The following PRKAG2 variants were observed in gnomAD, a reference collection of about 807,000 sequenced individuals.
PRKAG2 encodes the protein protein kinase AMP-activated non-catalytic subunit gamma 2, also known as 5'-AMP-activated protein kinase subunit gamma-2.
PRKAG2 carries 26 observed loss-of-function variants against 69.6 expected under a neutral mutation model. That is an observed-to-expected ratio of 0.37 (90% confidence interval 0.27 to 0.52). The LOEUF is 0.52. Ranked by LOEUF, PRKAG2 falls within the 20% of genes least tolerant of loss-of-function variation. The pLI is 0.90. For synonymous variants in PRKAG2, 293 were observed against 285.0 expected (o/e 1.03, Z -0.28); for missense variants, 557 against 740.0 (o/e 0.75, Z 2.87).
chr7:151,697,610 T>G (rs543175732), intron 3 of PRKAG2, among the ~76,000 whole-genome samples: 1 of 152,146 alleles, frequency 6.6e-6, no homozygotes, highest in East Asian at 1.9e-4. Flanking sequence ...GTGCCTCCAA[T>G]CCACTGTGGA....
intron 3 of PRKAG2, chr7:151,736,503 TA>T: frequency 1.3e-6 from 1 of 783,542 alleles, no homozygotes; most frequent in Non-Finnish European, 1.5e-6. Context: ...AAACAGACTG[TA>T]AAAGGAAACC....
intron 4 of PRKAG2, among the ~76,000 whole-genome samples, chr7:151,666,732 T>C (rs1186939098): frequency 6.6e-6 from 1 of 152,230 alleles, no homozygotes; most frequent in East Asian, 1.9e-4. Flanking sequence ...AGTTCCTCCC[T>C]GCCTGGGCCT....
chr7:151,748,663 G>T (rs182330123), intron 3 of PRKAG2, among the ~76,000 whole-genome samples: 1 of 152,230 alleles, frequency 6.6e-6, no homozygotes, highest in East Asian at 1.9e-4. Flanking sequence ...AAAATGTAAA[G>T]GGGAGAAAAT....
intron 3 of PRKAG2, among the ~76,000 whole-genome samples, chr7:151,747,717 AAAAAC>A (rs1181276133): frequency 5.3e-5 from 8 of 152,290 alleles, no homozygotes; most frequent in Non-Finnish European, 1.2e-4. Flanking sequence ...GGCAAGATAC[AAAAAC>A]AAAACAAAAC....
At chr7:151,820,504 T>TCCAACTTCAC (rs1563728088) in intron 1 of PRKAG2, among the ~76,000 whole-genome samples, 134 of 87,334 alleles carry the variant, frequency 1.5e-3, no homozygotes, top group East Asian at 5.6e-3. Flanking sequence ...CTCCGTGGCC[T>TCCAACTTCAC]GGCCCCTGTG....
chr7:151,626,782 T>G (rs1408097438), intron 5 of PRKAG2, among the ~76,000 whole-genome samples: 1 of 142,646 alleles, frequency 7.0e-6, no homozygotes, highest in Non-Finnish European at 1.5e-5. Context: ...TTCATTATAC[T>G]CCCCTCCCTG....
chr7:151,840,159 C>CTTGT (rs1322337540), intron 1 of PRKAG2, among the ~76,000 whole-genome samples: 1 of 152,156 alleles, frequency 6.6e-6, no homozygotes, highest in Non-Finnish European at 1.5e-5. Context: ...ATCTAAGTTA[C>CTTGT]TTGTTAGGAG....
intron 3 of PRKAG2, among the ~76,000 whole-genome samples, chr7:151,729,089 C>T (rs558636638): frequency 5.0e-4 from 74 of 148,932 alleles, no homozygotes; most frequent in Admixed American, 2.0e-3. Flanking sequence ...CACCAGGCAG[C>T]GCTTGGTGAC....
At position 151,614,537 on chromosome 7, in the gene PRKAG2, T is replaced by C. The variant is rs1032262372; in HGVS notation, c.754+17532A>G. Among the ~76,000 whole-genome samples, 6 of 152,040 alleles carry C rather than the reference T, an allele frequency of 3.9e-5. No individual in the cohort carries two copies. Among genetic ancestry groups the C allele is most frequent in the African/African-American group, 1.4e-4 (6 of 41,408 alleles). ...CTGCTCCCTCCATCGTGACTCTCCG[T>C]CCCATCCCTGCGTGCTCTCCTTCAC... On this transcript the variant is annotated intron_variant, in intron 5 of 15. Coordinates refer to ENST00000287878, the MANE Select transcript of PRKAG2 (RefSeq NM_016203.4). The surrounding 1 kb of genome is among the most constrained non-coding windows in gnomAD (Gnocchi z 4.4).
chr7:151,690,970 T>C (rs1352185117), intron 3 of PRKAG2, among the ~76,000 whole-genome samples: 2 of 152,218 alleles, frequency 1.3e-5, no homozygotes, highest in Admixed American at 6.5e-5. Context: ...GCTTTGTACA[T>C]AGTGCTCAAC....
Position 151,632,278 on chromosome 7 carries a change from G to A in PRKAG2, c.685-140C>T. On this transcript the variant is annotated intron_variant, in intron 4 of 15. Transcript: ENST00000287878. This position sits in a 1 kb window ranked among gnomAD's most constrained non-coding sequence, Gnocchi z 4.2. ...GGGCCTGGCAGGGGACGCGGGCAGC[G>A]GGGGCCGGGGGCGGAGCGGGAGCGC... 3 of 992,140 alleles carry A rather than the reference G, an allele frequency of 3.0e-6. No individual in the cohort carries two copies. The highest frequency in any genetic ancestry group is 3.6e-6 in the Non-Finnish European group (3 of 831,490). 61.5% of individuals were successfully genotyped at this position (992,140 alleles called of 1,614,324 possible).
At chr7:151,842,031 T>C (rs2079308276) in intron 1 of PRKAG2, among the ~76,000 whole-genome samples, 1 of 142,742 alleles carries the variant, frequency 7.0e-6, no homozygotes, top group South Asian at 2.3e-4. Flanking sequence ...GTAGGGATGG[T>C]AGTGATGGTA....
intron 3 of PRKAG2, among the ~76,000 whole-genome samples, chr7:151,726,806 C>T (rs1798056650): frequency 6.6e-6 from 1 of 152,076 alleles, no homozygotes; most frequent in Admixed American, 6.5e-5. Context: ...CAAGGGTGTT[C>T]AGTTTGTGCA....
intron 4 of PRKAG2, among the ~76,000 whole-genome samples, chr7:151,660,052 C>T (rs988049537): frequency 6.6e-6 from 1 of 152,158 alleles, no homozygotes; most frequent in Non-Finnish European, 1.5e-5. Flanking sequence ...GAGTGAGACC[C>T]TGTCTCCAAA....
At chr7:151,564,320 T>G in intron 13 of PRKAG2, 96 bp from the exon 14 acceptor site, 3 of 1,366,652 alleles carry the variant, frequency 2.2e-6, no homozygotes. Context: ...TTCTAAAAAC[T>G]TTAATGCTTA....
intron 4 of PRKAG2, among the ~76,000 whole-genome samples, chr7:151,658,136 G>C (rs1374211073): frequency 6.8e-6 from 1 of 146,972 alleles, no homozygotes; most frequent in East Asian, 2.0e-4. Context: ...CCAGCCTGGT[G>C]ACAGAGCAAG....
chr7:151,658,294 T>A (rs1829791993), intron 4 of PRKAG2, among the ~76,000 whole-genome samples: 1 of 151,494 alleles, frequency 6.6e-6, no homozygotes. Flanking sequence ...GAGAACAGCC[T>A]GACCAACATG....
chr7:151,866,276 T>C (rs539200271), intron 1 of PRKAG2, among the ~76,000 whole-genome samples: 4 of 152,250 alleles, frequency 2.6e-5, no homozygotes, highest in African/African-American at 9.6e-5. Context: ...TCGTGGGGCA[T>C]CTGGGCCATA....
intron 4 of PRKAG2, among the ~76,000 whole-genome samples, chr7:151,635,598 T>C (rs7791544): frequency 0.14 from 21,903 of 152,122 alleles, 1,937 homozygotes; most frequent in African/African-American, 0.23. Context: ...TAAAACGTCA[T>C]ATACTGTATG....
Sources: gnomAD v4.1 joint callset for allele counts (sites outside exome capture counted in the v4.1 genomes callset) on GRCh38, gnomAD v4.1.1 for gene constraint, Gnocchi (gnomAD v3.1) non-coding constraint, MANE v1.5 for transcripts, NCBI Gene and HGNC (gene_info 2026-07-23, HGNC 2026-07-21) for gene names.